Variants in REV1 observed in about 807,000 individuals in gnomAD.
REV1 encodes the protein REV1 DNA directed polymerase, also known as translesion synthesis protein REV1.
A neutral mutation model predicts 137.4 loss-of-function variants in REV1; 42 were observed. The observed-to-expected ratio is 0.31, with a 90% CI of 0.24 to 0.40. The LOEUF is 0.40. Ranked by LOEUF, REV1 falls within the 10% of genes least tolerant of loss-of-function variation. The probability of loss-of-function intolerance (pLI) is 1.00; values close to 1 mark genes in which losing one functional copy is unlikely to be tolerated. For synonymous variants in REV1, 524 were observed against 519.2 expected, an observed-to-expected ratio of 1.01 and a Z score of -0.12; for missense variants, 1,282 against 1,490.1, an observed-to-expected ratio of 0.86 and a Z score of 2.30.
At chr2:99,462,213 C>A (rs546683421) in intron 3 of REV1, among the ~76,000 whole-genome samples, 24 of 152,308 alleles carry the variant, frequency 1.6e-4, no homozygotes, top group African/African-American at 5.8e-4. Context: ...TACAGTGAAG[C>A]TCACAGTTTA....
chr2:99,474,778 T>C (rs1685789818), intron 1 of REV1, among the ~76,000 whole-genome samples: 1 of 152,136 alleles, frequency 6.6e-6, no homozygotes, highest in Non-Finnish European at 1.5e-5. Context: ...AGCAGGAACC[T>C]GTAATCCCAG....
At chr2:99,403,981 G>A (rs574017444) in intron 18 of REV1, among the ~76,000 whole-genome samples, 166 bp from the exon 19 acceptor site, 1 of 150,508 alleles carries the variant, frequency 6.6e-6, no homozygotes, top group Non-Finnish European at 1.5e-5. Flanking sequence ...AAAATGGTTA[G>A]AGCAAGAATA....
intron 3 of REV1, among the ~76,000 whole-genome samples, chr2:99,456,870 A>C (rs1158033874): frequency 1.3e-5 from 2 of 152,226 alleles, no homozygotes; most frequent in Non-Finnish European, 2.9e-5. Flanking sequence ...AACAAACAGA[A>C]ACACAGAACT....
At chr2:99,407,831 A>C (rs567637260) in intron 15 of REV1, among the ~76,000 whole-genome samples, 198 bp downstream of exon 15, 1 of 152,304 alleles carries the variant, frequency 6.6e-6, no homozygotes, top group Non-Finnish European at 1.5e-5. Flanking sequence ...TAAGAATCTA[A>C]GAAAATTATT....
At chr2:99,460,970 G>A (rs765985827) in intron 3 of REV1, among the ~76,000 whole-genome samples, 3 of 151,966 alleles carry the variant, frequency 2.0e-5, no homozygotes, top group Non-Finnish European at 4.4e-5. Flanking sequence ...GTGAATAAGG[G>A]TGCTCTCTTG....
chr2:99,440,876 G>C (rs1016163192), intron 5 of REV1, among the ~76,000 whole-genome samples: 3 of 152,168 alleles, frequency 2.0e-5, no homozygotes, highest in African/African-American at 7.2e-5. Flanking sequence ...ATATTGGCAG[G>C]AAAATACATT....
At chr2:99,442,197 A>T in intron 5 of REV1, 120 bp downstream of exon 5, 2 of 876,016 alleles carry the variant, frequency 2.3e-6, no homozygotes, top group Non-Finnish European at 1.6e-6. Context: ...GGTTGCAATG[A>T]GCCGAGATCA....
chr2:99,411,385 T>C (rs1677116704), intron 13 of REV1, among the ~76,000 whole-genome samples: 1 of 151,810 alleles, frequency 6.6e-6, no homozygotes, highest in African/African-American at 2.4e-5. Context: ...AATGAGTACT[T>C]TTAAAAGATA....
intron 4 of REV1, among the ~76,000 whole-genome samples, chr2:99,445,947 T>G (rs1274833860): frequency 6.6e-6 from 1 of 152,226 alleles, no homozygotes; most frequent in East Asian, 1.9e-4. Flanking sequence ...CAGAAGAGTA[T>G]GTAACGTTTA....
chr2:99,426,906 G>A (rs1029038025), intron 9 of REV1, among the ~76,000 whole-genome samples: 1 of 152,138 alleles, frequency 6.6e-6, no homozygotes, highest in East Asian at 1.9e-4. Flanking sequence ...ATTGCTGGCC[G>A]GGTGCGGTGG....
chr2:99,405,560 C>T (rs796749046), intron 17 of REV1: 6 of 173,892 alleles, frequency 3.5e-5, no homozygotes, highest in East Asian at 3.2e-4. Context: ...AAAAACCCTT[C>T]GACATAAGGC....
intron 3 of REV1, among the ~76,000 whole-genome samples, chr2:99,452,538 T>C (rs1683050831): frequency 6.6e-6 from 1 of 152,176 alleles, no homozygotes; most frequent in Non-Finnish European, 1.5e-5. Flanking sequence ...CTCTGCAATG[T>C]ACTGTAACAG....
At chr2:99,406,635 T>C (rs1408704464) in intron 15 of REV1, 145 bp from the exon 16 acceptor site, 1 of 622,826 alleles carries the variant, frequency 1.6e-6, no homozygotes, top group Non-Finnish European at 2.5e-6. Context: ...TCAAACAGCA[T>C]TCTATATGAC....
At chr2:99,414,648 CTT>C (rs3838582) in intron 12 of REV1, among the ~76,000 whole-genome samples, 25,151 of 152,130 alleles carry the variant, frequency 0.17, 2,603 homozygotes, top group African/African-American at 0.27. Context: ...TCAATTTGCT[CTT>C]TTTGTTATTT....
intron 14 of REV1, 41 bp from the exon 15 acceptor site, chr2:99,408,172 AT>A (rs1676608298): frequency 8.4e-7 from 1 of 1,195,388 alleles, no homozygotes; most frequent in Non-Finnish European, 1.2e-6. Flanking sequence ...TTCATTCCAT[AT>A]GTATTCACTA....
chr2:99,408,257 G>A (rs1009652075), intron 14 of REV1, 126 bp from the exon 15 acceptor site: 2 of 473,200 alleles, frequency 4.2e-6, no homozygotes, highest in Non-Finnish European at 7.3e-6. Context: ...GATTATAAAA[G>A]TGAATGCCAT....
rs373850478 is a variant in REV1 at position 99,454,550 on chromosome 2, C to CAAAAAA, written c.182-5052_182-5047dup. ...GGGCAACAAGAGTGAAACTCCAGCT[C>CAAAAAA]AAAAAAAAAAAAAAAAAAAAAAAAA... On this transcript the variant is annotated intron_variant, in intron 3 of 22. Transcript: ENST00000258428. Among the ~76,000 whole-genome samples, 77 of 82,350 alleles carry CAAAAAA rather than the reference C, an allele frequency of 9.4e-4. 1 individual carries two copies. The highest frequency in any genetic ancestry group is 1.2e-3 in the Non-Finnish European group (52 of 44,308). The allele number at this position is 82,350 out of a possible 152,430, so 54.0% of individuals were successfully genotyped here.
chr2:99,481,595 G>A (rs1686614282), intron 1 of REV1, among the ~76,000 whole-genome samples: 1 of 152,166 alleles, frequency 6.6e-6, no homozygotes, highest in Admixed American at 6.5e-5. Flanking sequence ...CAGGCACAGT[G>A]GCACATGCCT....
In REV1 at chr2:99,429,299, C is replaced by T. The variant is rs544437810; in HGVS notation, c.1547+541G>A. 1.3e-4 allele frequency among the ~76,000 whole-genome samples: 20 copies of T among 152,196 alleles called. No homozygotes were observed. In the South Asian group the frequency reaches 3.9e-3, roughly 30 times the overall value. ...GCCAATTATAATTATGGTTTCAGAT[C>T]ACTATAAGATAAAGACCTATACAAA... On this transcript the variant is annotated intron_variant, in intron 9 of 22. Transcript: ENST00000258428.
Sources: allele counts gnomAD v4.1 joint callset (sites outside exome capture counted in the v4.1 genomes callset), GRCh38; gene constraint gnomAD v4.1.1; transcripts MANE v1.5; gene names NCBI Gene and HGNC (gene_info 2026-07-23, HGNC 2026-07-21).